Variants in ZNF492 observed in about 807,000 individuals in gnomAD.
ZNF492 encodes zinc finger protein 492.
ZNF492 carries 3 observed loss-of-function variants against 6.4 expected under a neutral mutation model. The ratio of observed to expected loss-of-function variants is 0.47; its 90% CI spans 0.21 to 1.22. The LOEUF is 1.22. ZNF492 is among the 50% of genes most tolerant of loss of function. The pLI is 0.22. For missense variants in ZNF492, 356 were observed against 612.5 expected (o/e 0.58, Z 4.42); for synonymous variants, 112 against 205.3 (o/e 0.55, Z 3.89).
Position 22,662,286 on chromosome 19 carries a change from G to A in ZNF492, c.131-1514G>A, listed in dbSNP as rs540190767. Among the ~76,000 whole-genome samples, 11 of 152,262 alleles carry A rather than the reference G, an allele frequency of 7.2e-5. No individual in the cohort carries two copies. In the East Asian group the frequency reaches 2.1e-3, roughly 29 times the overall value. On this transcript the variant is annotated intron_variant, in intron 3 of 3. Coordinates refer to ENST00000456783, the MANE Select transcript of ZNF492 (RefSeq NM_020855.3). ...ACTCATCCTTTTTCATGAATGCATA[G>A]TATTCTGTAGTGTATACATGCCACA...
At chr19:22,661,549 G>C (rs1972058643) in intron 3 of ZNF492, among the ~76,000 whole-genome samples, 1 of 151,884 alleles carries the variant, frequency 6.6e-6, no homozygotes, top group Non-Finnish European at 1.5e-5. Flanking sequence ...GATCTGCCTT[G>C]TCTAAAATTT....
intron 1 of ZNF492, among the ~76,000 whole-genome samples, chr19:22,643,443 A>C (rs1971848611): frequency 6.6e-6 from 1 of 152,184 alleles, no homozygotes; most frequent in Admixed American, 6.5e-5. Context: ...AAGAGTGCCA[A>C]GTATAAGGGA....
At chr19:22,656,838 T>G (rs1041084040) in intron 3 of ZNF492, among the ~76,000 whole-genome samples, 1 of 152,088 alleles carries the variant, frequency 6.6e-6, no homozygotes, top group African/African-American at 2.4e-5. Context: ...CCTCCGTAGA[T>G]CTCAAAGCTC....
intron 1 of ZNF492, among the ~76,000 whole-genome samples, chr19:22,643,704 T>C (rs1971850946): frequency 6.6e-6 from 1 of 152,182 alleles, no homozygotes; most frequent in South Asian, 2.1e-4. Context: ...TTTGCAGAAC[T>C]CCCTTTACTG....
chr19:22,646,009 T>A lies in ZNF492; in HGVS notation c.-93-7298T>A, dbSNP rs376053912. On this transcript the variant is annotated intron_variant, in intron 1 of 3. Coordinates refer to ENST00000456783, the MANE Select transcript of ZNF492 (RefSeq NM_020855.3). ...GGATTGTCTTGGCTATATGGGCTCT[T>A]TTTTGGTTCCATATGAAATTTAAAG... 8.5e-4 allele frequency among the ~76,000 whole-genome samples: 130 copies of A among 152,338 alleles called. 1 individual carries two copies. Among genetic ancestry groups the A allele is most frequent in the African/African-American group, 2.9e-3 (120 of 41,586 alleles).
At chr19:22,657,577 A>T (rs1972008667) in intron 3 of ZNF492, among the ~76,000 whole-genome samples, 1 of 152,104 alleles carries the variant, frequency 6.6e-6, no homozygotes. Context: ...ACAGTAAAAT[A>T]TTACAGTTAT....
At chr19:22,655,278 G>A (rs1971982898) in intron 3 of ZNF492, among the ~76,000 whole-genome samples, 1 of 149,296 alleles carries the variant, frequency 6.7e-6, no homozygotes, top group African/African-American at 2.5e-5. Context: ...TGGGCAACAA[G>A]AGTGAAACTC....
intron 1 of ZNF492, among the ~76,000 whole-genome samples, chr19:22,650,563 C>G (rs891874771): frequency 6.6e-6 from 1 of 152,038 alleles, no homozygotes; most frequent in Non-Finnish European, 1.5e-5. Flanking sequence ...TCACCTCTCC[C>G]CCTAGGGACT....
chr19:22,645,341 C>A (rs1027837965), intron 1 of ZNF492, among the ~76,000 whole-genome samples: 3 of 152,064 alleles, frequency 2.0e-5, no homozygotes, highest in Non-Finnish European at 4.4e-5. Flanking sequence ...GCCACTACAC[C>A]CAGCCTTTGC....
intron 1 of ZNF492, among the ~76,000 whole-genome samples, chr19:22,643,811 A>G (rs769246169): frequency 4.6e-5 from 7 of 152,146 alleles, no homozygotes; most frequent in African/African-American, 9.7e-5. Flanking sequence ...GGCCAGAATC[A>G]AGTATAGGGG....
chr19:22,648,102 G>A (rs1198567721), intron 1 of ZNF492, among the ~76,000 whole-genome samples: 5 of 152,004 alleles, frequency 3.3e-5, no homozygotes, highest in Non-Finnish European at 7.4e-5. Context: ...GTGGGCATTT[G>A]GTGCTATAAA....
chr19:22,646,625 C>G (rs1971879955), intron 1 of ZNF492, among the ~76,000 whole-genome samples: 1 of 152,140 alleles, frequency 6.6e-6, no homozygotes. Context: ...CCAGCTTTTT[C>G]CCATTCAATA....
chr19:22,656,862 A>G (rs4088021), intron 3 of ZNF492, among the ~76,000 whole-genome samples: 1 of 152,048 alleles, frequency 6.6e-6, no homozygotes, highest in Non-Finnish European at 1.5e-5. Context: ...AAGGGCACTT[A>G]TTTTGGAGAT....
At chr19:22,656,661 G>A (rs1971999565) in intron 3 of ZNF492, among the ~76,000 whole-genome samples, 1 of 152,206 alleles carries the variant, frequency 6.6e-6, no homozygotes, top group East Asian at 1.9e-4. Context: ...GGAGGAGTTT[G>A]GGATGATTGC....
chr19:22,637,247 G>A (rs1459196432), intron 1 of ZNF492, among the ~76,000 whole-genome samples: 3 of 152,036 alleles, frequency 2.0e-5, no homozygotes, highest in African/African-American at 7.2e-5. Context: ...AAAGTGCTGG[G>A]ATTACAGGCG....
chr19:22,651,841 G>A (rs1379442372), intron 1 of ZNF492, among the ~76,000 whole-genome samples: 1 of 141,030 alleles, frequency 7.1e-6, no homozygotes, highest in African/African-American at 2.9e-5. Context: ...TACGCAGAAA[G>A]TTTAAAAATA....
At chr19:22,640,042 G>A (rs1971810532) in intron 1 of ZNF492, among the ~76,000 whole-genome samples, 1 of 151,902 alleles carries the variant, frequency 6.6e-6, no homozygotes. Flanking sequence ...AGTTTGTTGA[G>A]ACTTTTTAAC....
At chr19:22,641,300 C>T (rs1299168207) in intron 1 of ZNF492, among the ~76,000 whole-genome samples, 1 of 152,070 alleles carries the variant, frequency 6.6e-6, no homozygotes, top group East Asian at 1.9e-4. Context: ...TATGTTGTAT[C>T]TTTGTTCTCA....
At chr19:22,645,792 G>T (rs1306161157) in intron 1 of ZNF492, among the ~76,000 whole-genome samples, 1 of 152,098 alleles carries the variant, frequency 6.6e-6, no homozygotes, top group East Asian at 1.9e-4. Context: ...TTTCCCCATT[G>T]CTTGTTTTTG....
Sources: gnomAD v4.1 joint callset for allele counts (sites outside exome capture counted in the v4.1 genomes callset) on GRCh38, gnomAD v4.1.1 for gene constraint, MANE v1.5 for transcripts, NCBI Gene and HGNC (gene_info 2026-07-23, HGNC 2026-07-21) for gene names.